Variants in FRMPD4 observed in about 807,000 individuals in gnomAD.
FRMPD4 encodes the protein FERM and PDZ domain containing 4.
A neutral mutation model predicts 94.1 loss-of-function variants in FRMPD4; 22 were observed. The ratio of observed to expected loss-of-function variants is 0.23; its 90% CI spans 0.17 to 0.33. The LOEUF is 0.33. Among genes scored for constraint, FRMPD4 ranks in the 10% least tolerant of loss-of-function variants. FRMPD4 has a pLI of 1.00. For synonymous variants in FRMPD4, 631 were observed against 548.6 expected (o/e 1.15, Z -2.10); for missense variants, 1,111 against 1,339.9 (o/e 0.83, Z 2.67).
chrX:12,327,716 A>G (rs927287636), intron 1 of FRMPD4, among the ~76,000 whole-genome samples: 5 of 110,819 alleles, frequency 4.5e-5, no homozygotes, highest in African/African-American at 1.6e-4. Flanking sequence ...TGGCTCTGTA[A>G]TCTACCTCCT....
chrX:11,892,200 C>T (rs2053878779), intron 3 of FRMPD4, among the ~76,000 whole-genome samples: 1 of 112,129 alleles, frequency 8.9e-6, no homozygotes, highest in African/African-American at 3.2e-5. Flanking sequence ...CCAAACTTCC[C>T]TTTTTCCTCC....
intron 3 of FRMPD4, among the ~76,000 whole-genome samples, chrX:12,111,026 A>G (rs2055356386): frequency 8.9e-6 from 1 of 111,907 alleles, no homozygotes; most frequent in Non-Finnish European, 1.9e-5. Context: ...TGCCATCCCC[A>G]TCAAGCTACC....
chrX:12,079,698 A>T (rs1393739423), intron 3 of FRMPD4, among the ~76,000 whole-genome samples: 1 of 112,185 alleles, frequency 8.9e-6, no homozygotes, highest in Non-Finnish European at 1.9e-5. Context: ...AAGCCAAGGT[A>T]GTATTAGGTC....
intron 3 of FRMPD4, among the ~76,000 whole-genome samples, chrX:11,943,826 A>G (rs764251825): frequency 8.9e-6 from 1 of 111,961 alleles, no homozygotes; most frequent in South Asian, 3.7e-4. Flanking sequence ...ACCTACTTTC[A>G]GGTTTTTTCC....
intron 1 of FRMPD4, among the ~76,000 whole-genome samples, chrX:12,331,160 G>A (rs1285985710): frequency 9.1e-6 from 1 of 109,687 alleles, no homozygotes; most frequent in Non-Finnish European, 1.9e-5. Context: ...CCTGACCCCT[G>A]GTTTGGCAGA....
intron 1 of FRMPD4, among the ~76,000 whole-genome samples, chrX:12,428,801 A>G (rs779981526): frequency 2.1e-4 from 23 of 108,871 alleles, no homozygotes; most frequent in African/African-American, 7.4e-4. Context: ...AATTTTCATC[A>G]TTTGTTTTCT....
intron 3 of FRMPD4, among the ~76,000 whole-genome samples, chrX:12,610,132 TCTTAA>T (rs1344571904): frequency 8.9e-6 from 1 of 112,081 alleles, no homozygotes; most frequent in Non-Finnish European, 1.9e-5. Context: ...ATGAATCACT[TCTTAA>T]CTTATGAATG....
chrX:12,420,327 A>G (rs963086632), intron 1 of FRMPD4, among the ~76,000 whole-genome samples: 2 of 111,660 alleles, frequency 1.8e-5, no homozygotes, highest in African/African-American at 6.5e-5. Context: ...CCGGGCCTCC[A>G]TTGTCTCTAC....
At chrX:12,550,639 A>G (rs1319688049) in intron 2 of FRMPD4, among the ~76,000 whole-genome samples, 1 of 111,049 alleles carries the variant, frequency 9.0e-6, no homozygotes, top group Non-Finnish European at 1.9e-5. Flanking sequence ...GAGCCAAATG[A>G]TGTAACAAAA....
chrX:12,628,197 T>C (rs1399167591), intron 4 of FRMPD4, among the ~76,000 whole-genome samples: 1 of 111,882 alleles, frequency 8.9e-6, no homozygotes, highest in African/African-American at 3.2e-5. Flanking sequence ...TTATCTATAA[T>C]AATCTAATAT....
chrX:12,332,207 T>TATATAG (rs1381323732), intron 1 of FRMPD4, among the ~76,000 whole-genome samples: 11 of 59,540 alleles, frequency 1.8e-4, no homozygotes, highest in South Asian at 7.2e-4. Flanking sequence ...TATATATATA[T>TATATAG]AGAGAGAGAG....
At chrX:12,478,441 T>C (rs1436423310) in intron 1 of FRMPD4, among the ~76,000 whole-genome samples, 1 of 111,667 alleles carries the variant, frequency 9.0e-6, no homozygotes, top group Non-Finnish European at 1.9e-5. Flanking sequence ...GCTAGGCGCA[T>C]GGTGGTGCGT....
At chrX:11,978,108 G>A (rs2054376534) in intron 3 of FRMPD4, among the ~76,000 whole-genome samples, 1 of 108,778 alleles carries the variant, frequency 9.2e-6, no homozygotes, top group Admixed American at 9.9e-5. Context: ...GGATTACGAG[G>A]TAAGGAGATC....
intron 2 of FRMPD4, among the ~76,000 whole-genome samples, chrX:12,587,029 T>C (rs1237903326): frequency 9.2e-6 from 1 of 108,540 alleles, no homozygotes; most frequent in Non-Finnish European, 1.9e-5. Context: ...CAGGCTGGAG[T>C]GTAGCGGTGT....
At chrX:11,864,804 A>C (rs2053708962) in intron 1 of FRMPD4, among the ~76,000 whole-genome samples, 1 of 111,453 alleles carries the variant, frequency 9.0e-6, no homozygotes, top group Non-Finnish European at 1.9e-5. Context: ...ATAGTAAAAT[A>C]TGTTTCCCTC....
At position 11,847,595 on chromosome X, in the gene FRMPD4, C is replaced by T. The variant is rs746716369; in HGVS notation, c.-160-17491C>T. Among the ~76,000 whole-genome samples, 188 of 107,569 alleles carry T rather than the reference C, an allele frequency of 1.7e-3. 1 individual carries two copies. Among genetic ancestry groups the T allele is most frequent in the African/African-American group, 4.8e-3 (138 of 28,745 alleles). 93.4% of individuals were successfully genotyped at this position (107,569 alleles called of 115,157 possible). A position where few individuals can be genotyped will look rare whatever the true frequency, so the allele number is the denominator to read the frequency against. On this transcript the variant is annotated intron_variant, in intron 1 of 18. Coordinates refer to the FRMPD4 transcript ENST00000640291. The stretch of plus-strand genomic sequence containing the variant: ...GACACATGCACACGTATGTTTATTG[C>T]GGCAGTATTCACAATAGCAAAGACT...
chrX:12,487,463 T>C (rs1349891912), intron 1 of FRMPD4, among the ~76,000 whole-genome samples: 4 of 111,900 alleles, frequency 3.6e-5, no homozygotes, highest in African/African-American at 6.5e-5. Flanking sequence ...CTAACTGCAA[T>C]GTTTGCAGTT....
intron 1 of FRMPD4, among the ~76,000 whole-genome samples, chrX:12,343,356 T>C (rs917112948): frequency 1.8e-5 from 2 of 111,829 alleles, no homozygotes; most frequent in African/African-American, 6.5e-5. Flanking sequence ...GAATTCTATT[T>C]TGGCCCTGCT....
chrX:12,177,572 C>T (rs2056310093), intron 1 of FRMPD4, among the ~76,000 whole-genome samples: 1 of 112,230 alleles, frequency 8.9e-6, no homozygotes, highest in South Asian at 3.7e-4. Flanking sequence ...TTATCTCCTG[C>T]CCTGTGTTGT....
Sources: gnomAD v4.1 joint callset for allele counts (sites outside exome capture counted in the v4.1 genomes callset) on GRCh38, gnomAD v4.1.1 for gene constraint, MANE v1.5 for transcripts, NCBI Gene and HGNC (gene_info 2026-07-23, HGNC 2026-07-21) for gene names.